The following HYDIN variants were observed in gnomAD, a reference collection of about 807,000 sequenced individuals.
HYDIN encodes the protein axonemal central pair apparatus protein HYDIN.
A neutral mutation model predicts 403.9 loss-of-function variants in HYDIN; 132 were observed. That is an observed-to-expected ratio of 0.33 (90% CI 0.28 to 0.38). The LOEUF (loss-of-function observed/expected upper bound fraction) is 0.38, where lower values mean the gene tolerates loss of function less well. HYDIN is among the 10% of genes least tolerant of loss of function. The pLI is 1.00. For synonymous variants in HYDIN, 1,202 were observed against 1,891.7 expected, an observed-to-expected ratio of 0.64 and a Z score of 9.46; for missense variants, 2,827 against 5,009.5, an observed-to-expected ratio of 0.56 and a Z score of 13.15.
At chr16:71,180,785 A>T (rs1660407444) in intron 3 of HYDIN, among the ~76,000 whole-genome samples, 1 of 152,142 alleles carries the variant, frequency 6.6e-6, no homozygotes, top group Admixed American at 6.5e-5. Flanking sequence ...AGGCAAAGTA[A>T]TTGCTTATTT....
chr16:71,210,611 G>A (rs551462721), intron 1 of HYDIN, among the ~76,000 whole-genome samples: 5 of 151,820 alleles, frequency 3.3e-5, no homozygotes, highest in East Asian at 3.9e-4. Flanking sequence ...CCCAAATCAC[G>A]AGTTTCTTAT....
intron 62 of HYDIN, among the ~76,000 whole-genome samples, chr16:70,877,766 G>A (rs1231484376): frequency 2.6e-5 from 4 of 152,050 alleles, no homozygotes; most frequent in Non-Finnish European, 5.9e-5. Context: ...TGTGGCCTGG[G>A]GGTTGGGGAC....
intron 40 of HYDIN, among the ~76,000 whole-genome samples, chr16:70,954,950 T>C (rs1438730719): frequency 1.3e-5 from 2 of 152,124 alleles, no homozygotes; most frequent in Non-Finnish European, 2.9e-5. Context: ...CTACTAATAT[T>C]CTCTTGCTTC....
intron 41 of HYDIN, among the ~76,000 whole-genome samples, 171 bp from the exon 42 acceptor site, chr16:70,944,120 T>C (rs1337067199): frequency 1.3e-5 from 2 of 152,242 alleles, no homozygotes; most frequent in African/African-American, 2.4e-5. Context: ...AAAGAACCAC[T>C]GTAAGTTTCA....
chr16:70,849,558 C>A (rs997359004), intron 75 of HYDIN, among the ~76,000 whole-genome samples, 168 bp downstream of exon 75: 25 of 152,148 alleles, frequency 1.6e-4, no homozygotes, highest in Non-Finnish European at 2.6e-4. Context: ...AGGCACCTAA[C>A]CATTGTTGAA....
chr16:71,169,038 GA>G, intron 5 of HYDIN, among the ~76,000 whole-genome samples: 1 of 152,284 alleles, frequency 6.6e-6, no homozygotes, highest in South Asian at 2.1e-4. Flanking sequence ...TCAGTATGTG[GA>G]AGAGCTACCT....
intron 36 of HYDIN, among the ~76,000 whole-genome samples, chr16:70,967,244 T>C (rs2078606098): frequency 6.6e-6 from 1 of 152,176 alleles, no homozygotes; most frequent in Non-Finnish European, 1.5e-5. Context: ...ATGGATAATA[T>C]GACTCAGTAG....
At chr16:70,944,983 C>A (rs1289234753) in intron 41 of HYDIN, among the ~76,000 whole-genome samples, 2 of 152,244 alleles carry the variant, frequency 1.3e-5, no homozygotes, top group African/African-American at 4.8e-5. Context: ...GAACTCCTGA[C>A]CTCAGGTGAT....
At position 71,230,699 on chromosome 16, in the gene HYDIN, G is replaced by C; in HGVS notation, c.-161C>G. 2.0e-6 allele frequency: 3 copies of C among 1,536,044 alleles called. No homozygotes were observed. Among genetic ancestry groups the C allele is most frequent in the Middle Eastern group, 1.7e-4 (1 of 5,990 alleles). ...CCCGCACTCTCCATGCGCCGCCCGA[G>C]CTGTTGCCGTCCGTTGCCACGGTAA... On this transcript the variant is annotated 5_prime_UTR_variant, in exon 1 of 86. Transcript: ENST00000393567.
chr16:71,038,747 G>T (rs1355678237), intron 18 of HYDIN, among the ~76,000 whole-genome samples: 1 of 152,212 alleles, frequency 6.6e-6, no homozygotes, highest in Non-Finnish European at 1.5e-5. Flanking sequence ...TGCAACCTCC[G>T]CCTCCTGGGT....
chr16:70,981,307 T>A (rs2079038470), intron 29 of HYDIN, 84 bp downstream of exon 29: 4 of 1,470,844 alleles, frequency 2.7e-6, no homozygotes, highest in Admixed American at 2.5e-5. Flanking sequence ...GCAAATAAAG[T>A]AAGTAGCCAG....
At chr16:71,170,566 G>A (rs1352731897) in intron 5 of HYDIN, among the ~76,000 whole-genome samples, 1 of 151,890 alleles carries the variant, frequency 6.6e-6, no homozygotes, top group Admixed American at 6.6e-5. Context: ...CTTGATTTAA[G>A]AAAACCAACT....
At chr16:70,926,785 A>C (rs2077166536) in intron 45 of HYDIN, among the ~76,000 whole-genome samples, 1 of 151,572 alleles carries the variant, frequency 6.6e-6, no homozygotes, top group Non-Finnish European at 1.5e-5. Context: ...AGAAGTGAGA[A>C]TTTTAAAGAG....
Position 70,938,758 on chromosome 16 carries a change from G to A in HYDIN, c.6854-3C>T. On this transcript the variant is annotated splice_polypyrimidine_tract_variant and splice_region_variant and intron_variant, in intron 43 of 85. Transcript: ENST00000393567. ...AAGAGCTCCCTTGTGCTTGCGTTCT[G>A]TGAGGGGAACAGAGACGGGAAGGTG... 6.2e-7 allele frequency: 1 copy of A among 1,614,018 alleles called. No homozygotes were observed. Among genetic ancestry groups the A allele is most frequent in the Non-Finnish European group, 8.5e-7 (1 of 1,180,014 alleles).
chr16:70,862,942 T>C, intron 68 of HYDIN, 143 bp downstream of exon 68: 1 of 563,334 alleles, frequency 1.8e-6, no homozygotes, highest in Non-Finnish European at 3.1e-6. Flanking sequence ...CCCATTTGGC[T>C]CTGCAGACAC....
At chr16:70,861,476 G>T (rs1044840435) in intron 69 of HYDIN, among the ~76,000 whole-genome samples, 8 of 151,764 alleles carry the variant, frequency 5.3e-5, no homozygotes, top group Admixed American at 6.6e-5. Flanking sequence ...CCTCATCAGG[G>T]ACTTTCATTG....
chr16:70,909,688 CTTTTTTTT>C (rs74464612), intron 47 of HYDIN, among the ~76,000 whole-genome samples: 1 of 64,776 alleles, frequency 1.5e-5, no homozygotes, highest in South Asian at 7.1e-4. Context: ...TCAGGCATGT[CTTTTTTTT>C]TTTTTTTTTT....
At chr16:71,148,429 A>T (rs541695920) in intron 7 of HYDIN, among the ~76,000 whole-genome samples, 276 of 152,330 alleles carry the variant, frequency 1.8e-3, no homozygotes, top group African/African-American at 6.5e-3. Context: ...TGAACAAAAT[A>T]AAAACTATTA....
At position 70,807,506 on chromosome 16, in the gene HYDIN, T is replaced by TA; in HGVS notation, c.*73dup. Reference sequence around the variant, plus strand: ...ATAAAAACAGTTCCTTTAGAATTCTTATTGTTTTCTCTATTCTTTTTCAGG... The same window carrying TA: ...ATAAAAACAGTTCCTTTAGAATTCTTAATTGTTTTCTCTATTCTTTTTCAGG... On this transcript the variant is annotated 3_prime_UTR_variant, in exon 86 of 86. Transcript: ENST00000393567. 6.8e-7 allele frequency: 1 copy of TA among 1,471,034 alleles called. No homozygotes were observed. Among genetic ancestry groups the TA allele is most frequent in the Non-Finnish European group, 9.1e-7 (1 of 1,092,944 alleles). 91.1% of individuals were successfully genotyped at this position (1,471,034 alleles called of 1,614,324 possible). A position where few individuals can be genotyped will look rare whatever the true frequency, so the allele number is the denominator to read the frequency against.
Sources: allele counts gnomAD v4.1 joint callset (sites outside exome capture counted in the v4.1 genomes callset), GRCh38; gene constraint gnomAD v4.1.1; transcripts MANE v1.5; gene names NCBI Gene and HGNC (gene_info 2026-07-23, HGNC 2026-07-21).